The following EVPLL variants were observed in gnomAD, a reference collection of about 807,000 sequenced individuals.
The protein encoded by EVPLL is envoplakin like.
Under a neutral mutation model 46.2 loss-of-function variants are expected in EVPLL, and 39 were observed. The ratio of observed to expected loss-of-function variants is 0.84; its 90% CI spans 0.65 to 1.10. EVPLL has a LOEUF of 1.10. Ranked by LOEUF, EVPLL falls within the 50% of genes least tolerant of loss-of-function variation. The pLI is 0.00. For missense variants in EVPLL, 385 were observed against 412.6 expected (o/e 0.93, Z 0.58); for synonymous variants, 156 against 165.8 (o/e 0.94, Z 0.46).
chr17:18,381,569 C>G lies in EVPLL; in HGVS notation c.219-34C>G. The G allele has an allele frequency of 6.2e-7, 1 of 1,613,772 alleles. No individual in the cohort carries two copies. The highest frequency in any genetic ancestry group is 8.5e-7 in the Non-Finnish European group (1 of 1,179,884). ...TGGGGGTCCCTGGGGAAGACCCAGG[C>G]CCAGCCCTGACCTGCTGGCCACCTT... On this transcript the variant is annotated intron_variant, in intron 3 of 10. Coordinates refer to ENST00000399134, the MANE Select transcript of EVPLL (RefSeq NM_001145127.2). This position sits in a 1 kb window ranked among gnomAD's most constrained non-coding sequence, Gnocchi z 4.2.
At chr17:18,384,600 T>TG (rs1458081163) in intron 9 of EVPLL, among the ~76,000 whole-genome samples, 1 of 151,862 alleles carries the variant, frequency 6.6e-6, no homozygotes, top group Non-Finnish European at 1.5e-5. Context: ...GATGTAGTGG[T>TG]GCATGCCTGT....
At chr17:18,378,201 C>T (rs188726222) in intron 1 of EVPLL, among the ~76,000 whole-genome samples, 1 of 152,332 alleles carries the variant, frequency 6.6e-6, no homozygotes, top group Non-Finnish European at 1.5e-5. Context: ...AGGGGATGGC[C>T]TGGGGCTCCC....
In EVPLL at chr17:18,389,539, G is replaced by A; in HGVS notation, c.*723G>A. On this transcript the variant is annotated 3_prime_UTR_variant, in exon 11 of 11. Coordinates refer to ENST00000399134, the MANE Select transcript of EVPLL (RefSeq NM_001145127.2). ...TACAGTACCAAATCTTCCAAACTCA[G>A]CACTTGTGCCCTGGGGTCTCCAAAC... is the stretch of plus-strand genomic sequence containing the variant. 3.3e-5 allele frequency: 3 copies of A among 91,716 alleles called. 1 individual carries two copies. The highest frequency in any genetic ancestry group is 7.1e-5 in the Non-Finnish European group (3 of 41,974). 5.7% of individuals were successfully genotyped at this position (91,716 alleles called of 1,614,324 possible). A position where few individuals can be genotyped will look rare whatever the true frequency, so the allele number is the denominator to read the frequency against.
Position 18,382,527 on chromosome 17 carries a change from A to T in EVPLL, c.361A>T (p.Arg121Trp). The T allele has an allele frequency of 1.9e-6, 3 of 1,551,728 alleles. No individual in the cohort carries two copies. Among genetic ancestry groups the T allele is most frequent in the Non-Finnish European group, 2.6e-6 (3 of 1,147,022 alleles). Reference protein sequence around the residue: ...AGAETEAGLRRPVWAGHGGAG... With the variant: ...AGAETEAGLRWPVWAGHGGAG... ...CTCTCCTGCAGAAGCTGGTCTGCGC[A>T]GGCCAGTATGGGCCGGGCATGGCGG... Residue 121 changes from arginine to tryptophan, a missense_variant, in exon 5 of 11, where the codon AGG (arginine) becomes TGG (tryptophan). Transcript: ENST00000399134.
In EVPLL at chr17:18,382,640, T is replaced by C. The variant is rs545573240; in HGVS notation, c.472+2T>C. ...CAGCTGCGGAGCCTGGTGGGGCCGGTGGGTGAGCCGGGAAGATGTTACATC... is the reference window on the plus strand; with the variant it reads ...CAGCTGCGGAGCCTGGTGGGGCCGGCGGGTGAGCCGGGAAGATGTTACATC... On this transcript the variant is annotated splice_donor_variant, in intron 5 of 10. Coordinates refer to ENST00000399134, the MANE Select transcript of EVPLL (RefSeq NM_001145127.2). LOFTEE classifies it high-confidence loss of function. 1.3e-6 allele frequency: 2 copies of C among 1,551,298 alleles called. No individual in the cohort carries two copies. The highest frequency in any genetic ancestry group is 2.7e-5 in the African/African-American group (2 of 72,938).
chr17:18,382,150 G>T (rs980068790), intron 4 of EVPLL: 4 of 342,118 alleles, frequency 1.2e-5, no homozygotes, highest in Non-Finnish European at 2.2e-5. Flanking sequence ...GAACAGTGGG[G>T]AAGGGCCCGG....
intron 5 of EVPLL, 42 bp from the exon 6 acceptor site, chr17:18,382,784 C>T: frequency 1.2e-6 from 2 of 1,601,522 alleles, no homozygotes; most frequent in Non-Finnish European, 1.7e-6. Flanking sequence ...TCTCCCTGTG[C>T]CCCACCTCTC....
intron 9 of EVPLL, among the ~76,000 whole-genome samples, chr17:18,383,941 C>T (rs1005271782): frequency 3.3e-5 from 5 of 152,078 alleles, no homozygotes; most frequent in African/African-American, 1.2e-4. Context: ...CCACTGCATT[C>T]TAGCCTGGGT....
At chr17:18,385,165 C>T (rs1399811395) in intron 9 of EVPLL, among the ~76,000 whole-genome samples, 11 of 146,632 alleles carry the variant, frequency 7.5e-5, no homozygotes, top group Non-Finnish European at 1.7e-4. Flanking sequence ...ATAAAGCCCT[C>T]GTGCCTGCTG....
chr17:18,387,627 G>C (rs1232108356), intron 9 of EVPLL, among the ~76,000 whole-genome samples: 1 of 151,736 alleles, frequency 6.6e-6, no homozygotes. Flanking sequence ...TTCACAGTAG[G>C]AGGGGGGCTT....
At chr17:18,385,047 A>C (rs1477972912) in intron 9 of EVPLL, among the ~76,000 whole-genome samples, 2 of 151,758 alleles carry the variant, frequency 1.3e-5, no homozygotes, top group East Asian at 3.9e-4. Context: ...AGAGAGGCAG[A>C]GGGGGAGAAA....
In EVPLL at chr17:18,382,554, G is replaced by A; in HGVS notation, c.388G>A (p.Ala130Thr). 1 of 1,551,838 alleles carries A rather than the reference G, an allele frequency of 6.4e-7. No individual in the cohort carries two copies. Among genetic ancestry groups the A allele is most frequent in the South Asian group, 1.2e-5 (1 of 84,062 alleles). ...GCCAGTATGGGCCGGGCATGGCGGA[G>A]CTGGAGGAACAGATCGCGGAGCTCA... is the stretch of plus-strand genomic sequence containing the variant. ...RRPVWAGHGG[A>T]GGTDRGAQHR... Residue 130 changes from alanine (A) to threonine (T), a missense_variant, in exon 5 of 11, where the codon GCT becomes ACT. Coordinates refer to ENST00000399134, the MANE Select transcript of EVPLL (RefSeq NM_001145127.2).
Position 18,381,581 on chromosome 17 carries a change from C to T in EVPLL, c.219-22C>T, listed in dbSNP as rs1384225671. 1 of 1,613,956 alleles carries T rather than the reference C, an allele frequency of 6.2e-7. No individual in the cohort carries two copies. The highest frequency in any genetic ancestry group is 8.5e-7 in the Non-Finnish European group (1 of 1,179,964). On this transcript the variant is annotated intron_variant, in intron 3 of 10. Coordinates refer to ENST00000399134, the MANE Select transcript of EVPLL (RefSeq NM_001145127.2). The surrounding 1 kb of genome is among the most constrained non-coding windows in gnomAD (Gnocchi z 4.2). ...GGGAAGACCCAGGCCCAGCCCTGAC[C>T]TGCTGGCCACCTTCTTGACAGCATC...
intron 1 of EVPLL, chr17:18,379,916 G>A (rs1987503600): frequency 6.6e-6 from 1 of 152,280 alleles, no homozygotes; most frequent in Non-Finnish European, 1.5e-5. Flanking sequence ...CAGGCACAGA[G>A]AGGTTGAGTA....
At position 18,381,088 on chromosome 17, in the gene EVPLL, C is replaced by T; in HGVS notation, c.63+88C>T. 1 of 1,445,964 alleles carries T rather than the reference C, an allele frequency of 6.9e-7. No homozygotes were observed. The highest frequency in any genetic ancestry group is 9.5e-7 in the Non-Finnish European group (1 of 1,054,114). 89.6% of individuals were successfully genotyped at this position (1,445,964 alleles called of 1,614,324 possible). On this transcript the variant is annotated intron_variant, in intron 2 of 10. Coordinates refer to ENST00000399134, the MANE Select transcript of EVPLL (RefSeq NM_001145127.2). The surrounding 1 kb of genome is among the most constrained non-coding windows in gnomAD (Gnocchi z 4.2). Reference sequence around the variant, plus strand: ...CAGGCCTGGCACTCCCTGAGTGCCCCCTGGTGATGGTGAAGATGGGACAGA... The same window carrying T: ...CAGGCCTGGCACTCCCTGAGTGCCCTCTGGTGATGGTGAAGATGGGACAGA...
rs758389899 is a variant in EVPLL at position 18,383,054 on chromosome 17, G to A, written c.541G>A (p.Gly181Arg). Residue 181 changes from glycine (G) to arginine (R), a missense_variant, in exon 7 of 11, where the codon GGG becomes AGG. Gly to Arg is a moderately radical substitution (Grantham distance 125). Transcript: ENST00000399134. ...EGGVVARAEPGQPVHALQGCT... is the reference protein window; with the variant it reads ...EGGVVARAEPRQPVHALQGCT... ...CGGCGTCGTGGCGCGGGCAGAGCCT[G>A]GGCAGCCTGTACACGCACTGCAGGG... The A allele has an allele frequency of 2.6e-6, 4 of 1,560,836 alleles. No individual in the cohort carries two copies. The South Asian group carries it at 3.5e-5, about 14-fold the overall frequency.
chr17:18,384,232 C>T (rs756936482), intron 9 of EVPLL, among the ~76,000 whole-genome samples: 4 of 151,848 alleles, frequency 2.6e-5, no homozygotes, highest in Non-Finnish European at 5.9e-5. Flanking sequence ...TTTGGGAGGC[C>T]GAGCCAGGAG....
Position 18,381,886 on chromosome 17 carries a change from A to T in EVPLL, c.346+156A>T, listed in dbSNP as rs762012600. On this transcript the variant is annotated intron_variant, in intron 4 of 10. Transcript: ENST00000399134. The surrounding 1 kb of genome is among the most constrained non-coding windows in gnomAD (Gnocchi z 4.2). ...AGAGGAGACAGTGCAGTCAGGGAAGACTTCCTGTAGGAGGAGGCACATGAA... is the reference window on the plus strand; with the variant it reads ...AGAGGAGACAGTGCAGTCAGGGAAGTCTTCCTGTAGGAGGAGGCACATGAA... The T allele has an allele frequency of 2.1e-4, 265 of 1,236,554 alleles. No homozygotes were observed. The highest frequency in any genetic ancestry group is 2.8e-4 in the Non-Finnish European group (248 of 889,958). 76.6% of individuals were successfully genotyped at this position (1,236,554 alleles called of 1,614,324 possible). A position where few individuals can be genotyped will look rare whatever the true frequency, so the allele number is the denominator to read the frequency against.
rs1987558391 is a variant in EVPLL, at chr17:18,381,219, GCCCTGGGCCTGA to G, written c.64-142_64-131del. The stretch of plus-strand genomic sequence containing the variant: ...TGTCTTTGTCACCTGCCTCATGGAC[GCCCTGGGCCTGA>G]CCCTGTGCCTGGCGTGGGCCTCGAG... On this transcript the variant is annotated intron_variant, in intron 2 of 10. Coordinates refer to ENST00000399134, the MANE Select transcript of EVPLL (RefSeq NM_001145127.2). This position sits in a 1 kb window ranked among gnomAD's most constrained non-coding sequence, Gnocchi z 4.2. 3 of 1,340,098 alleles carry G rather than the reference GCCCTGGGCCTGA, an allele frequency of 2.2e-6. No homozygotes were observed. The Admixed American group carries it at 8.0e-5, about 36-fold the overall frequency. The allele number at this position is 1,340,098 out of a possible 1,614,324, so 83.0% of individuals were successfully genotyped here.
Sources: allele counts gnomAD v4.1 joint callset (sites outside exome capture counted in the v4.1 genomes callset), GRCh38; gene constraint gnomAD v4.1.1; non-coding constraint Gnocchi (gnomAD v3.1); transcripts MANE v1.5; gene names NCBI Gene and HGNC (gene_info 2026-07-23, HGNC 2026-07-21).